The following FARP1 variants were observed in gnomAD, a reference collection of about 807,000 sequenced individuals.
The protein encoded by FARP1 is FERM, ARH/RhoGEF and pleckstrin domain protein 1, also known as FERM, ARHGEF and pleckstrin domain-containing protein 1.
FARP1 carries 52 observed loss-of-function variants against 128.8 expected under a neutral mutation model. That is an observed-to-expected ratio of 0.40 (90% confidence interval 0.32 to 0.51). FARP1 has a LOEUF of 0.51. FARP1 is among the 20% of genes least tolerant of loss of function. The pLI, the probability that FARP1 is intolerant of heterozygous loss-of-function variation, is 0.45. For missense variants in FARP1, 1,333 were observed against 1,367.9 expected, an observed-to-expected ratio of 0.97 and a Z score of 0.40; for synonymous variants, 580 against 551.8, an observed-to-expected ratio of 1.05 and a Z score of -0.72.
intron 3 of FARP1, among the ~76,000 whole-genome samples, chr13:98,364,388 G>A (rs1184696107): frequency 2.0e-5 from 3 of 152,132 alleles, no homozygotes; most frequent in African/African-American, 7.2e-5. Context: ...AATTTAATGG[G>A]TGGAAATGGT....
At position 98,213,311 on chromosome 13, in the gene FARP1, T is replaced by C; in HGVS notation, c.69T>C (p.Ser23=). Residue 23 remains serine, a synonymous_variant, in exon 2 of 27, where the codon AGT becomes AGC. Coordinates refer to ENST00000319562, the MANE Select transcript of FARP1 (RefSeq NM_005766.4). ...GGGCCCCGGAAAATTCGGGGATCAG[T>C]ACCTTGGAACGTGGACAGAAGCCGC... ...RLGAPENSGI[S]TLERGQKPPP... 6.2e-7 allele frequency: 1 copy of C among 1,614,146 alleles called. No homozygotes were observed. The highest frequency in any genetic ancestry group is 8.5e-7 in the Non-Finnish European group (1 of 1,179,998).
intron 3 of FARP1, among the ~76,000 whole-genome samples, chr13:98,363,610 C>A (rs1434750315): frequency 6.6e-6 from 1 of 152,254 alleles, no homozygotes; most frequent in South Asian, 2.1e-4. Flanking sequence ...AACTCCAGAC[C>A]GCTCCTATAA....
intron 10 of FARP1, chr13:98,390,515 C>T (rs1890265678): frequency 2.3e-6 from 1 of 442,148 alleles, no homozygotes; most frequent in East Asian, 3.7e-5. Flanking sequence ...CCCAGTGATC[C>T]CTGCCTTCAC....
chr13:98,154,674 G>GA (rs139045896), intron 1 of FARP1, among the ~76,000 whole-genome samples: 4,060 of 152,218 alleles, frequency 0.027, 187 homozygotes, highest in African/African-American at 0.092. Context: ...TTCTCTATGT[G>GA]AATATACAGG....
intron 2 of FARP1, among the ~76,000 whole-genome samples, chr13:98,259,107 C>A (rs556550649): frequency 2.0e-5 from 3 of 152,118 alleles, no homozygotes; most frequent in African/African-American, 4.8e-5. Context: ...GCTACTCCAG[C>A]GGCTGAGGTG....
intron 1 of FARP1, among the ~76,000 whole-genome samples, chr13:98,167,570 C>T (rs1877357080): frequency 6.6e-6 from 1 of 151,890 alleles, no homozygotes; most frequent in East Asian, 1.9e-4. Flanking sequence ...CCACCACGCC[C>T]AGCTAATTTT....
At position 98,302,567 on chromosome 13, in the gene FARP1, A is replaced by C. The variant is rs570065751; in HGVS notation, c.172-41195A>C. ...CAACCTAGCCTGGGTGCTAGCACTG[A>C]CCAAGGTCTGGGCATTTGAGGAATT... On this transcript the variant is annotated intron_variant, in intron 2 of 26. Coordinates refer to ENST00000319562, the MANE Select transcript of FARP1 (RefSeq NM_005766.4). 2.1e-3 allele frequency among the ~76,000 whole-genome samples: 322 copies of C among 152,240 alleles called. 1 individual carries two copies. Among genetic ancestry groups the C allele is most frequent in the African/African-American group, 7.5e-3 (312 of 41,542 alleles).
chr13:98,396,806 G>T (rs1890567936), intron 13 of FARP1: 1 of 240,822 alleles, frequency 4.2e-6, no homozygotes, highest in Non-Finnish European at 7.9e-6. Context: ...CCGATCATGT[G>T]TATAGTGTGT....
chr13:98,181,731 C>T (rs756377101), intron 1 of FARP1, among the ~76,000 whole-genome samples: 2 of 151,530 alleles, frequency 1.3e-5, no homozygotes, highest in Non-Finnish European at 2.9e-5. Flanking sequence ...TAGGCTCAAG[C>T]GATCCTCCTG....
At chr13:98,290,911 G>A (rs1206037204) in intron 2 of FARP1, among the ~76,000 whole-genome samples, 1 of 152,162 alleles carries the variant, frequency 6.6e-6, no homozygotes, top group Non-Finnish European at 1.5e-5. Context: ...AAGAACATTA[G>A]CCCCTGAATT....
chr13:98,365,177 A>G (rs1349888432), intron 3 of FARP1, among the ~76,000 whole-genome samples: 3 of 152,196 alleles, frequency 2.0e-5, no homozygotes, highest in African/African-American at 4.8e-5. Flanking sequence ...TCTAGGAGCA[A>G]TTTTAATTTT....
chr13:98,408,283 T>C (rs1289813624), intron 13 of FARP1, among the ~76,000 whole-genome samples: 1 of 151,724 alleles, frequency 6.6e-6, no homozygotes, highest in African/African-American at 2.4e-5. Context: ...GTCCTATACA[T>C]ATCATCTCCC....
chr13:98,249,145 G>T (rs1422808318), intron 2 of FARP1, among the ~76,000 whole-genome samples: 1 of 152,160 alleles, frequency 6.6e-6, no homozygotes, highest in Non-Finnish European at 1.5e-5. Context: ...CCCTAGTTCA[G>T]TGGTGACCAT....
intron 12 of FARP1, among the ~76,000 whole-genome samples, 183 bp from the exon 13 acceptor site, chr13:98,395,044 A>T (rs1183328611): frequency 6.6e-6 from 1 of 152,168 alleles, no homozygotes; most frequent in Non-Finnish European, 1.5e-5. Context: ...GCCCTGAAGG[A>T]ACCTTCTGGA....
At chr13:98,297,097 C>A (rs570959191) in intron 2 of FARP1, among the ~76,000 whole-genome samples, 1 of 152,302 alleles carries the variant, frequency 6.6e-6, no homozygotes, top group African/African-American at 2.4e-5. Flanking sequence ...GGGCATAGGG[C>A]TTTCTTTATT....
Position 98,442,239 on chromosome 13 carries a change from C to G in FARP1, c.2796+1403C>G, listed in dbSNP as rs534205851. Among the ~76,000 whole-genome samples, 81 of 152,344 alleles carry G rather than the reference C, an allele frequency of 5.3e-4. 1 individual carries two copies. The highest frequency in any genetic ancestry group is 1.8e-3 in the African/African-American group (74 of 41,588). On this transcript the variant is annotated intron_variant, in intron 24 of 26. Coordinates refer to ENST00000319562, the MANE Select transcript of FARP1 (RefSeq NM_005766.4). ...AAGAGTGTCACATAAGAGACTCAGG[C>G]CAGGACAGGAGTTTGCTGGCTCTTG...
chr13:98,243,195 A>G (rs1882868817), intron 2 of FARP1, among the ~76,000 whole-genome samples: 1 of 152,172 alleles, frequency 6.6e-6, no homozygotes, highest in Non-Finnish European at 1.5e-5. Context: ...TAATATTGGG[A>G]AGATGTTGAT....
intron 13 of FARP1, 64 bp from the exon 14 acceptor site, chr13:98,409,274 A>C (rs1288415915): frequency 2.3e-6 from 3 of 1,311,196 alleles, no homozygotes; most frequent in Non-Finnish European, 3.1e-6. Flanking sequence ...AAAGTAGTGA[A>C]TAGAAATCAG....
chr13:98,420,067 C>G (rs868701097), intron 16 of FARP1, among the ~76,000 whole-genome samples: 5 of 152,146 alleles, frequency 3.3e-5, no homozygotes, highest in Non-Finnish European at 7.3e-5. Context: ...GAGCCCGCAC[C>G]CTAGGGCTCG....
Sources: gnomAD v4.1 joint callset for allele counts (sites outside exome capture counted in the v4.1 genomes callset) on GRCh38, gnomAD v4.1.1 for gene constraint, MANE v1.5 for transcripts, NCBI Gene and HGNC (gene_info 2026-07-23, HGNC 2026-07-21) for gene names.